DYM: variants seen among roughly 807,000 people sequenced by gnomAD.
DYM encodes dyggve-Melchior-Clausen syndrome protein.
In DYM, 78 loss-of-function variants were observed where a neutral mutation model predicts 93.1. The observed-to-expected ratio is 0.84, with a 90% CI of 0.70 to 1.01. The LOEUF is 1.01. Ranked by LOEUF, DYM falls within the 50% of genes least tolerant of loss-of-function variation. The pLI, the probability that DYM is intolerant of heterozygous loss-of-function variation, is 0.00. For synonymous variants in DYM, 321 were observed against 319.7 expected (o/e 1.00, Z -0.04); for missense variants, 789 against 845.0 (o/e 0.93, Z 0.82).
chr18:49,256,083 C>CA (rs11337971), intron 13 of DYM, among the ~76,000 whole-genome samples: 2,396 of 85,804 alleles, frequency 0.028, 57 homozygotes, highest in South Asian at 0.054. Context: ...GACTCCATCT[C>CA]AAAAAAAAAA....
At chr18:49,110,437 A>G (rs1168544950) in intron 16 of DYM, among the ~76,000 whole-genome samples, 1 of 152,232 alleles carries the variant, frequency 6.6e-6, no homozygotes, top group Admixed American at 6.5e-5. Flanking sequence ...TTTTGTTTGA[A>G]ATGTCATTAT....
intron 17 of DYM, among the ~76,000 whole-genome samples, chr18:49,080,499 G>A (rs1193120041): frequency 7.2e-6 from 1 of 139,148 alleles, no homozygotes; most frequent in African/African-American, 2.7e-5. Context: ...CGGGGCGGCT[G>A]GCCGGGCAGA....
At chr18:49,230,349 C>T (rs1421358908) in intron 13 of DYM, among the ~76,000 whole-genome samples, 1 of 152,094 alleles carries the variant, frequency 6.6e-6, no homozygotes, top group Non-Finnish European at 1.5e-5. Context: ...CAAGCACAGA[C>T]CATTTGTCTT....
intron 8 of DYM, among the ~76,000 whole-genome samples, chr18:49,322,301 G>A (rs1308317900): frequency 6.6e-6 from 1 of 152,098 alleles, no homozygotes; most frequent in East Asian, 1.9e-4. Flanking sequence ...GGTGGAAAGT[G>A]AAGTTTGGCA....
At chr18:49,213,749 C>T (rs4483916) in intron 13 of DYM, among the ~76,000 whole-genome samples, 111,361 of 152,046 alleles carry the variant, frequency 0.73, 41,520 homozygotes, top group Non-Finnish European at 0.81. Context: ...CTTCCCTCCT[C>T]TCCTTCCTTT....
chr18:49,433,301 G>A (rs934986106), intron 1 of DYM, among the ~76,000 whole-genome samples: 8 of 152,278 alleles, frequency 5.3e-5, no homozygotes, highest in East Asian at 1.9e-4. Flanking sequence ...AAATAATTTC[G>A]TATAGACTAC....
At chr18:49,353,574 T>C (rs1032025765) in intron 6 of DYM, among the ~76,000 whole-genome samples, 5 of 151,874 alleles carry the variant, frequency 3.3e-5, no homozygotes, top group Non-Finnish European at 5.9e-5. Flanking sequence ...ATAATTTAAA[T>C]ATAATAGAAT....
At chr18:49,245,285 A>G (rs2094138249) in intron 13 of DYM, among the ~76,000 whole-genome samples, 1 of 152,214 alleles carries the variant, frequency 6.6e-6, no homozygotes, top group African/African-American at 2.4e-5. Flanking sequence ...CTGAAAAAGA[A>G]CAGAATAACA....
chr18:49,104,397 C>G (rs1444409657), intron 16 of DYM, among the ~76,000 whole-genome samples: 2 of 152,100 alleles, frequency 1.3e-5, no homozygotes, highest in African/African-American at 4.8e-5. Context: ...AATTGAATAT[C>G]CTTTATTTCC....
At chr18:49,232,121 T>C (rs2144451102) in intron 13 of DYM, among the ~76,000 whole-genome samples, 1 of 152,270 alleles carries the variant, frequency 6.6e-6, no homozygotes, top group East Asian at 1.9e-4. Context: ...ATACTATTCA[T>C]CCGATAAGAT....
intron 17 of DYM, among the ~76,000 whole-genome samples, chr18:49,072,319 T>G (rs2076957271): frequency 6.6e-6 from 1 of 152,238 alleles, no homozygotes; most frequent in Non-Finnish European, 1.5e-5. Flanking sequence ...GATTTCATTT[T>G]TGAAGTGGAA....
At chr18:49,262,947 C>T (rs907113889) in intron 11 of DYM, among the ~76,000 whole-genome samples, 3 of 152,120 alleles carry the variant, frequency 2.0e-5, no homozygotes, top group South Asian at 2.1e-4. Context: ...AATCTCACTA[C>T]ATGAAAGTCA....
intron 7 of DYM, among the ~76,000 whole-genome samples, chr18:49,332,593 A>G (rs546236771): frequency 6.6e-6 from 1 of 152,356 alleles, no homozygotes; most frequent in African/African-American, 2.4e-5. Flanking sequence ...CAATTATTCA[A>G]TTGGTATTAA....
At chr18:49,317,555 C>CTT (rs2062030829) in intron 8 of DYM, among the ~76,000 whole-genome samples, 2 of 12,684 alleles carry the variant, frequency 1.6e-4, no homozygotes, top group Admixed American at 8.3e-4. Flanking sequence ...CTAGATTTCT[C>CTT]TCTCTCTCTC....
intron 13 of DYM, among the ~76,000 whole-genome samples, 176 bp downstream of exon 13, chr18:49,256,834 T>G (rs1054344159): frequency 6.6e-6 from 1 of 152,172 alleles, no homozygotes; most frequent in South Asian, 2.1e-4. Context: ...GATCAAAAAG[T>G]TAGGTTAGAA....
chr18:49,313,462 C>CAAACAA (rs2061725806), intron 8 of DYM, among the ~76,000 whole-genome samples: 1 of 28,550 alleles, frequency 3.5e-5, no homozygotes, highest in Non-Finnish European at 6.3e-5. Flanking sequence ...GACTCTGTCA[C>CAAACAA]AAAAAAAAAA....
At chr18:49,096,059 C>T (rs756836714) in intron 17 of DYM, among the ~76,000 whole-genome samples, 53 of 152,090 alleles carry the variant, frequency 3.5e-4, no homozygotes, top group Non-Finnish European at 6.8e-4. Flanking sequence ...CACAAAAATA[C>T]CCCCAAACCA....
chr18:49,265,225 A>C (rs1471939801), intron 11 of DYM, among the ~76,000 whole-genome samples: 1 of 152,212 alleles, frequency 6.6e-6, no homozygotes, highest in East Asian at 1.9e-4. Context: ...TGGATGATAA[A>C]GGAGAAAACC....
chr18:49,169,818 A>G (rs1354829447), intron 14 of DYM, among the ~76,000 whole-genome samples: 1 of 152,194 alleles, frequency 6.6e-6, no homozygotes, highest in East Asian at 1.9e-4. Flanking sequence ...GCTCCTGGAG[A>G]AAAGGATGGA....
Sources: allele counts gnomAD v4.1 joint callset (sites outside exome capture counted in the v4.1 genomes callset), GRCh38; gene constraint gnomAD v4.1.1; transcripts MANE v1.5; gene names NCBI Gene and HGNC (gene_info 2026-07-23, HGNC 2026-07-21).